PLEKHA5: variants seen among roughly 807,000 people sequenced by gnomAD.
The protein encoded by PLEKHA5 is pleckstrin homology domain containing A5, also known as pleckstrin homology domain-containing family A member 5.
In PLEKHA5, 55 loss-of-function variants were observed where a neutral mutation model predicts 181.9. That is an observed-to-expected ratio of 0.30 (90% CI 0.24 to 0.38). The LOEUF (loss-of-function observed/expected upper bound fraction) is 0.38. PLEKHA5 is among the 10% of genes least tolerant of loss of function. PLEKHA5 has a pLI of 1.00. For synonymous variants in PLEKHA5, 535 were observed against 529.4 expected (o/e 1.01, Z -0.15); for missense variants, 1,432 against 1,549.5 (o/e 0.92, Z 1.27).
At chr12:19,290,047 A>G (rs1449578843) in intron 13 of PLEKHA5, among the ~76,000 whole-genome samples, 1 of 151,924 alleles carries the variant, frequency 6.6e-6, no homozygotes, top group Non-Finnish European at 1.5e-5. Flanking sequence ...GATTCAAGCG[A>G]TTCTCCTGCC....
intron 3 of PLEKHA5, chr12:19,149,665 C>G (rs1265124672): frequency 6.6e-6 from 1 of 152,158 alleles, no homozygotes; most frequent in Non-Finnish European, 1.5e-5. Context: ...ATCACCTAGT[C>G]AGGTAAGAGG....
At chr12:19,271,308 C>G (rs532552586) in intron 10 of PLEKHA5, among the ~76,000 whole-genome samples, 1 of 152,050 alleles carries the variant, frequency 6.6e-6, no homozygotes, top group Non-Finnish European at 1.5e-5. Flanking sequence ...ATTTTGAGAT[C>G]AGCCTGGGCA....
intron 26 of PLEKHA5, among the ~76,000 whole-genome samples, chr12:19,357,943 A>AT (rs11326139): frequency 2.7e-5 from 4 of 149,502 alleles, no homozygotes; most frequent in East Asian, 2.0e-4. Flanking sequence ...CCTGGTCCAT[A>AT]TTTTTTTTTT....
intron 3 of PLEKHA5, among the ~76,000 whole-genome samples, chr12:19,230,716 C>G (rs577615206): frequency 6.6e-6 from 1 of 152,110 alleles, no homozygotes; most frequent in African/African-American, 2.4e-5. Flanking sequence ...ACGTGCACCC[C>G]GGTTCCCACC....
intron 26 of PLEKHA5, among the ~76,000 whole-genome samples, chr12:19,356,174 C>CAA (rs976280649): frequency 6.9e-6 from 1 of 144,846 alleles, no homozygotes; most frequent in African/African-American, 2.5e-5. Context: ...CAAAAAAAAA[C>CAA]AAAAAAAAAC....
chr12:19,291,039 T>C lies in PLEKHA5; in HGVS notation c.1983+243T>C, dbSNP rs566984592. 3.0e-4 allele frequency among the ~76,000 whole-genome samples: 46 copies of C among 152,314 alleles called. No individual in the cohort carries two copies. The East Asian group carries it at 7.9e-3, about 26-fold the overall frequency. ...CCCCACCCGCTCACCCACTGGCTTT[T>C]GGTTTTGAGGAAGGCAATGCGTACA... is the stretch of plus-strand genomic sequence containing the variant. On this transcript the variant is annotated intron_variant, in intron 14 of 31. Transcript: ENST00000429027.
chr12:19,297,756 T>A (rs2163221), intron 15 of PLEKHA5, among the ~76,000 whole-genome samples: 7,850 of 126,452 alleles, frequency 0.062, 239 homozygotes, highest in African/African-American at 0.098. Context: ...AATTATTATT[T>A]TTTTTTTTTT....
chr12:19,280,859 C>T (rs1341199390), intron 11 of PLEKHA5, among the ~76,000 whole-genome samples: 1 of 151,532 alleles, frequency 6.6e-6, no homozygotes, highest in Admixed American at 6.6e-5. Context: ...TACAGGCGTG[C>T]GTCACCACAC....
At chr12:19,243,844 A>T (rs981712071) in intron 3 of PLEKHA5, among the ~76,000 whole-genome samples, 1 of 152,222 alleles carries the variant, frequency 6.6e-6, no homozygotes, top group African/African-American at 2.4e-5. Context: ...TCAAGAATTC[A>T]GTTTCAAGAA....
intron 3 of PLEKHA5, among the ~76,000 whole-genome samples, chr12:19,143,298 A>G (rs2037969131): frequency 6.6e-6 from 1 of 152,190 alleles, no homozygotes; most frequent in African/African-American, 2.4e-5. Flanking sequence ...GCTTGATGGC[A>G]TTTTTTTAAA....
chr12:19,286,183 A>G (rs1225598523), intron 12 of PLEKHA5, among the ~76,000 whole-genome samples: 1 of 152,234 alleles, frequency 6.6e-6, no homozygotes, highest in Non-Finnish European at 1.5e-5. Context: ...TATATTGTAT[A>G]CTGACATATG....
intron 28 of PLEKHA5, 74 bp from the exon 29 acceptor site, chr12:19,361,508 G>T: frequency 1.3e-6 from 1 of 791,548 alleles, no homozygotes; most frequent in Non-Finnish European, 2.0e-6. Flanking sequence ...ACTTTATTTT[G>T]GAATTATTTT....
At chr12:19,339,515 G>A (rs1358068232) in intron 21 of PLEKHA5, among the ~76,000 whole-genome samples, 1 of 152,120 alleles carries the variant, frequency 6.6e-6, no homozygotes, top group Non-Finnish European at 1.5e-5. Flanking sequence ...ATGGAGAGGT[G>A]TAATTGGTAT....
At chr12:19,235,337 A>G (rs1376523844) in intron 3 of PLEKHA5, among the ~76,000 whole-genome samples, 1 of 152,172 alleles carries the variant, frequency 6.6e-6, no homozygotes, top group Non-Finnish European at 1.5e-5. Context: ...GTATCTAAAA[A>G]TTTTTATATC....
At position 19,354,621 on chromosome 12, in the gene PLEKHA5, C is replaced by T. The variant is rs2094824691; in HGVS notation, c.3138+619C>T. Among the ~76,000 whole-genome samples, 3 of 151,212 alleles carry T rather than the reference C, an allele frequency of 2.0e-5. No homozygotes were observed. The Admixed American group carries it at 2.0e-4, about 10-fold the overall frequency. The stretch of plus-strand genomic sequence containing the variant: ...TCAGCCTCCCAAGTAGCTGGGACTA[C>T]AGGCGCCCACCACCACGCCTGGCTA... On this transcript the variant is annotated intron_variant, in intron 26 of 31. Transcript: ENST00000429027.
chr12:19,149,156 T>C (rs1014388652), intron 3 of PLEKHA5, among the ~76,000 whole-genome samples: 2 of 152,172 alleles, frequency 1.3e-5, no homozygotes, highest in Non-Finnish European at 2.9e-5. Context: ...TAATATATTA[T>C]CAGAGTTGAA....
chr12:19,367,245 C>T (rs999644969), intron 30 of PLEKHA5, among the ~76,000 whole-genome samples: 1 of 140,248 alleles, frequency 7.1e-6, no homozygotes, highest in African/African-American at 2.6e-5. Context: ...TGCATATTAT[C>T]GCTTTGCTTC....
chr12:19,189,783 A>G (rs1336799864), intron 3 of PLEKHA5, among the ~76,000 whole-genome samples: 1 of 152,202 alleles, frequency 6.6e-6, no homozygotes, highest in Non-Finnish European at 1.5e-5. Flanking sequence ...AGGGTGACAT[A>G]ACTGCTAAAA....
chr12:19,369,743 A>T lies in PLEKHA5; in HGVS notation c.3805A>T (p.Thr1269Ser), dbSNP rs2153311907. ...PESSASPVPS[T>S]QPQLTEGSHF... The stretch of plus-strand genomic sequence containing the variant: ...GTCCTCGGCATCGCCAGTTCCATCC[A>T]CTCAGCCGCAGCTCACAGAAGGATC... Residue 1269 changes from threonine (T) to serine (S), a missense_variant, in exon 31 of 32, where the codon ACT (threonine) becomes TCT (serine). By Grantham distance (58) the Thr-to-Ser change is moderately conservative. Transcript: ENST00000429027. 1.9e-6 allele frequency: 3 copies of T among 1,612,712 alleles called. No homozygotes were observed. The highest frequency in any genetic ancestry group is 2.5e-6 in the Non-Finnish European group (3 of 1,179,362).
Sources: gnomAD v4.1 joint callset for allele counts (sites outside exome capture counted in the v4.1 genomes callset) on GRCh38, gnomAD v4.1.1 for gene constraint, MANE v1.5 for transcripts, NCBI Gene and HGNC (gene_info 2026-07-23, HGNC 2026-07-21) for gene names.